The following CSMD2 variants were observed in gnomAD, a reference collection of about 807,000 sequenced individuals.
The protein encoded by CSMD2 is CUB and Sushi multiple domains 2.
A neutral mutation model predicts 398.5 loss-of-function variants in CSMD2; 130 were observed. The ratio of observed to expected loss-of-function variants is 0.33; its 90% confidence interval spans 0.28 to 0.38. The LOEUF (loss-of-function observed/expected upper bound fraction) is 0.38, where lower values mean the gene tolerates loss of function less well. Among genes scored for constraint, CSMD2 ranks in the 10% least tolerant of loss-of-function variants. The pLI, the probability that CSMD2 is intolerant of heterozygous loss-of-function variation, is 1.00. For missense variants in CSMD2, 3,829 were observed against 4,764.9 expected (o/e 0.80, Z 5.78); for synonymous variants, 1,828 against 1,908.5 (o/e 0.96, Z 1.10).
chr1:33,539,501 G>C (rs1444633545), intron 60 of CSMD2, among the ~76,000 whole-genome samples: 2 of 152,194 alleles, frequency 1.3e-5, no homozygotes, highest in African/African-American at 2.4e-5. Flanking sequence ...TTATGAAACA[G>C]TATGTACAGC....
intron 3 of CSMD2, among the ~76,000 whole-genome samples, chr1:33,971,788 C>T (rs994934460): frequency 2.0e-5 from 3 of 152,184 alleles, no homozygotes; most frequent in African/African-American, 4.8e-5. Flanking sequence ...TGACTTCACC[C>T]TCCCAGCTTG....
At chr1:33,880,036 G>T (rs1278715979) in intron 5 of CSMD2, among the ~76,000 whole-genome samples, 1 of 152,148 alleles carries the variant, frequency 6.6e-6, no homozygotes, top group Non-Finnish European at 1.5e-5. Flanking sequence ...TGAAAAACCT[G>T]AAGCTTGAAA....
At chr1:33,530,521 G>C (rs1333724734) in intron 64 of CSMD2, among the ~76,000 whole-genome samples, 1 of 152,132 alleles carries the variant, frequency 6.6e-6, no homozygotes, top group East Asian at 1.9e-4. Context: ...TAACCATTAT[G>C]GAAAACGTAT....
chr1:34,031,765 CAAAAAAAAAA>C (rs556094322), intron 3 of CSMD2, among the ~76,000 whole-genome samples: 2 of 71,254 alleles, frequency 2.8e-5, no homozygotes, highest in Non-Finnish European at 5.2e-5. Context: ...AAGGCAAAGG[CAAAAAAAAAA>C]AAAAAAAAAA....
rs908826057 is a variant in CSMD2 at position 34,165,052 on chromosome 1, C to T, written c.46G>A (p.Ala16Thr). The T allele has an allele frequency of 1.6e-6, 2 of 1,215,312 alleles. No homozygotes were observed. Among genetic ancestry groups the T allele is most frequent in the Non-Finnish European group, 2.0e-6 (2 of 977,332 alleles). 75.3% of individuals were successfully genotyped at this position (1,215,312 alleles called of 1,614,324 possible). A position where few individuals can be genotyped will look rare whatever the true frequency, so the allele number is the denominator to read the frequency against. ...GRELGRCGCP[A>T]GRARGETGIS... ...CCGGTTTCGCCGCGAGCCCTCCCCG[C>T]GGGGCAGCCGCAGCGCCCCAGCTCC... The change falls in exon 1 of 71, where the codon GCG (alanine) becomes ACG (threonine). Residue 16 changes from alanine (A) to threonine (T), a missense_variant. Coordinates refer to ENST00000373381, the MANE Select transcript of CSMD2 (RefSeq NM_001281956.2).
In CSMD2 at chr1:34,066,757, G is replaced by A. The variant is rs551689442; in HGVS notation, c.404+22220C>T. On this transcript the variant is annotated intron_variant, in intron 2 of 70. Transcript: ENST00000373381. ...ACTGCAGCACAGTAGGCATCTGAGT[G>A]TCCTGGTCCTAGAATGCTCAGTCCT... Among the ~76,000 whole-genome samples the A allele has an allele frequency of 4.6e-5, 7 of 152,250 alleles. No homozygotes were observed. In the East Asian group the frequency reaches 1.4e-3, roughly 29 times the overall value.
At position 33,519,251 on chromosome 1, in the gene CSMD2, A is replaced by G. The variant is rs75307146; in HGVS notation, c.*53+214T>C. Among the ~76,000 whole-genome samples, 2,650 of 152,272 alleles carry G rather than the reference A, an allele frequency of 0.017. 64 individuals are homozygous for G. Among genetic ancestry groups the G allele is most frequent in the African/African-American group, 0.06 (2,505 of 41,530 alleles). On this transcript the variant is annotated intron_variant, in intron 70 of 70. Coordinates refer to ENST00000373381, the MANE Select transcript of CSMD2 (RefSeq NM_001281956.2). The surrounding 1 kb of genome is among the most constrained non-coding windows in gnomAD (Gnocchi z 5.6). ...TCTCATCTGTAATGGGGCTCCCACA[A>G]GCTTCTACCTCACAGGGCGTGCAGG...
chr1:33,936,126 T>G lies in CSMD2; in HGVS notation c.518-172A>C, dbSNP rs149382237. 1.4e-4 allele frequency among the ~76,000 whole-genome samples: 22 copies of G among 152,336 alleles called. No individual in the cohort carries two copies. In the East Asian group the frequency reaches 3.3e-3, roughly 23 times the overall value. On this transcript the variant is annotated intron_variant, in intron 3 of 70. Coordinates refer to ENST00000373381, the MANE Select transcript of CSMD2 (RefSeq NM_001281956.2). ...CTGCCCGCTTCTCAAGGCTGTAGAT[T>G]CCCTGGGAATGGGTTACTCATAAGA...
chr1:34,144,465 G>GC (rs1445044184), intron 1 of CSMD2, among the ~76,000 whole-genome samples: 1 of 152,160 alleles, frequency 6.6e-6, no homozygotes, highest in Non-Finnish European at 1.5e-5. Context: ...ACTTAGCTCA[G>GC]CCCCAACCCA....
intron 3 of CSMD2, among the ~76,000 whole-genome samples, chr1:33,982,632 G>A (rs559809243): frequency 8.4e-4 from 128 of 152,272 alleles, no homozygotes; most frequent in Admixed American, 1.6e-3. Flanking sequence ...AATGAATGAC[G>A]GACCTGTGAA....
intron 19 of CSMD2, among the ~76,000 whole-genome samples, chr1:33,720,217 C>T (rs573408015): frequency 1.3e-5 from 2 of 152,278 alleles, no homozygotes; most frequent in East Asian, 1.9e-4. Context: ...CCTTATGTGC[C>T]GGGCATAGAG....
At chr1:33,820,744 T>C (rs1303084574) in intron 7 of CSMD2, among the ~76,000 whole-genome samples, 188 bp from the exon 8 acceptor site, 1 of 151,964 alleles carries the variant, frequency 6.6e-6, no homozygotes, top group African/African-American at 2.4e-5. Context: ...ATGTGCAAGA[T>C]AGGAGGCTGC....
At position 33,557,909 on chromosome 1, in the gene CSMD2, T is replaced by C; in HGVS notation, c.8568A>G (p.Thr2856=). The change falls in exon 55 of 71, where the codon ACA becomes ACG. Residue 2856 remains threonine, a synonymous_variant. Transcript: ENST00000373381. Reference sequence around the variant, plus strand: ...CACTATTTTCTTGGTGTCCAGGATCTGTACAGTTGATGACTGCAATTGAAC... The same window carrying C: ...CACTATTTTCTTGGTGTCCAGGATCCGTACAGTTGATGACTGCAATTGAAC... The part of the protein sequence containing the change: ...MLPTCRIINC[T]DPGHQENSVR... 2.0e-6 allele frequency: 3 copies of C among 1,535,902 alleles called. No homozygotes were observed. Among genetic ancestry groups the C allele is most frequent in the Non-Finnish European group, 2.6e-6 (3 of 1,146,680 alleles).
At chr1:33,767,600 A>G (rs1182054720) in intron 13 of CSMD2, among the ~76,000 whole-genome samples, 1 of 152,210 alleles carries the variant, frequency 6.6e-6, no homozygotes, top group African/African-American at 2.4e-5. Context: ...CATAGCAGGT[A>G]CTCAATAAAT....
At chr1:33,788,340 T>C (rs1369446564) in intron 12 of CSMD2, among the ~76,000 whole-genome samples, 7 of 151,900 alleles carry the variant, frequency 4.6e-5, no homozygotes, top group Non-Finnish European at 8.8e-5. Flanking sequence ...AGACCCCGTC[T>C]CTACTAAAAA....
chr1:33,945,449 G>A (rs1249338088), intron 3 of CSMD2, among the ~76,000 whole-genome samples: 1 of 152,148 alleles, frequency 6.6e-6, no homozygotes, highest in Non-Finnish European at 1.5e-5. Context: ...CCATTTCTCT[G>A]GGGAAATGGG....
At chr1:33,933,593 C>G (rs1644378275) in intron 4 of CSMD2, among the ~76,000 whole-genome samples, 1 of 152,264 alleles carries the variant, frequency 6.6e-6, no homozygotes, top group African/African-American at 2.4e-5. Context: ...CTTGGAAGAT[C>G]AGAATGTTAA....
At chr1:33,794,690 T>C (rs72879566) in intron 10 of CSMD2, among the ~76,000 whole-genome samples, 9,593 of 152,284 alleles carry the variant, frequency 0.063, 423 homozygotes, top group African/African-American at 0.11. Context: ...GAGATTTTTG[T>C]TCTAGGAGCA....
At chr1:33,739,107 A>C in intron 15 of CSMD2, 33 bp downstream of exon 15, 1 of 1,591,890 alleles carries the variant, frequency 6.3e-7, no homozygotes, top group Non-Finnish European at 8.5e-7. Flanking sequence ...TCTGGCTGAC[A>C]ATGGCCACTG....
Sources: allele counts gnomAD v4.1 joint callset (sites outside exome capture counted in the v4.1 genomes callset), GRCh38; gene constraint gnomAD v4.1.1; non-coding constraint Gnocchi (gnomAD v3.1); transcripts MANE v1.5; gene names NCBI Gene and HGNC (gene_info 2026-07-23, HGNC 2026-07-21).